The following KDM4C variants were observed in gnomAD, a reference collection of about 807,000 sequenced individuals.
The protein encoded by KDM4C is lysine-specific demethylase 4C.
KDM4C carries 81 observed loss-of-function variants against 129.3 expected under a neutral mutation model. The observed-to-expected ratio is 0.63, with a 90% CI of 0.52 to 0.75. The LOEUF (loss-of-function observed/expected upper bound fraction) is 0.75, where lower values mean the gene tolerates loss of function less well. KDM4C is among the 30% of genes least tolerant of loss of function. The probability of loss-of-function intolerance (pLI) is 0.00; values close to 1 mark genes in which losing one functional copy is unlikely to be tolerated. For missense variants in KDM4C, 1,457 were observed against 1,304.0 expected, an observed-to-expected ratio of 1.12 and a Z score of -1.81; for synonymous variants, 573 against 456.1, an observed-to-expected ratio of 1.26 and a Z score of -3.26.
chr9:7,115,336 A>G (rs1197417088), intron 18 of KDM4C, among the ~76,000 whole-genome samples: 1 of 152,198 alleles, frequency 6.6e-6, no homozygotes, highest in Non-Finnish European at 1.5e-5. Flanking sequence ...TTTTTTAAAA[A>G]AATAATTAAG....
chr9:7,165,947 G>C (rs1003857994), intron 20 of KDM4C, among the ~76,000 whole-genome samples: 3 of 152,186 alleles, frequency 2.0e-5, no homozygotes, highest in Non-Finnish European at 4.4e-5. Flanking sequence ...GTATTAAAGA[G>C]TATATATACA....
At chr9:6,768,124 C>T (rs923200610) in intron 1 of KDM4C, among the ~76,000 whole-genome samples, 4 of 152,106 alleles carry the variant, frequency 2.6e-5, no homozygotes, top group African/African-American at 9.6e-5. Flanking sequence ...CTTTTTCAGT[C>T]GACCGAGAGT....
At chr9:7,125,960 A>G (rs979719660) in intron 18 of KDM4C, among the ~76,000 whole-genome samples, 1 of 152,208 alleles carries the variant, frequency 6.6e-6, no homozygotes, top group African/African-American at 2.4e-5. Context: ...TCTTCCTAGT[A>G]GGTACAGGCT....
At chr9:7,100,542 G>T (rs1348876567) in intron 17 of KDM4C, among the ~76,000 whole-genome samples, 1 of 152,070 alleles carries the variant, frequency 6.6e-6, no homozygotes, top group African/African-American at 2.4e-5. Context: ...GTTTTGCCGT[G>T]TTGGCCAGGC....
chr9:7,159,937 G>A (rs947306526), intron 19 of KDM4C, among the ~76,000 whole-genome samples: 1 of 152,110 alleles, frequency 6.6e-6, no homozygotes, highest in Non-Finnish European at 1.5e-5. Context: ...TTCCAACTTG[G>A]TTCTATTCTC....
chr9:7,037,942 G>A lies in KDM4C; in HGVS notation c.2260-8920G>A, dbSNP rs548179916. 5.5e-3 allele frequency among the ~76,000 whole-genome samples: 830 copies of A among 152,142 alleles called. 13 individuals carry two copies. Among genetic ancestry groups the A allele is most frequent in the African/African-American group, 0.018 (746 of 41,528 alleles). On this transcript the variant is annotated intron_variant, in intron 15 of 21. Transcript: ENST00000381309. ...GCTGGGTGTTATTGTTCCTGGAAAA[G>A]CCATGCTCATTAAACATAAAACAAG...
intron 11 of KDM4C, among the ~76,000 whole-genome samples, chr9:6,988,580 G>T (rs981123257): frequency 2.0e-5 from 3 of 152,046 alleles, no homozygotes; most frequent in East Asian, 1.9e-4. Flanking sequence ...TTAGTATTCA[G>T]TGTAATGCTA....
chr9:7,124,776 T>A (rs550601960), intron 18 of KDM4C, among the ~76,000 whole-genome samples: 1 of 152,298 alleles, frequency 6.6e-6, no homozygotes, highest in South Asian at 2.1e-4. Flanking sequence ...AGCAACCCAG[T>A]AATCACTGGG....
intron 5 of KDM4C, among the ~76,000 whole-genome samples, chr9:6,857,922 G>GTTTTTTTTTT (rs71487861): frequency 9.7e-6 from 1 of 103,098 alleles, no homozygotes. Context: ...ATCTGGCTAA[G>GTTTTTTTTTT]TTTTTTTTTT....
intron 15 of KDM4C, among the ~76,000 whole-genome samples, chr9:7,033,756 G>A (rs888914121): frequency 3.3e-5 from 5 of 152,190 alleles, no homozygotes; most frequent in Admixed American, 3.3e-4. Flanking sequence ...GAGAACAAAT[G>A]CCTCATTAAT....
intron 18 of KDM4C, among the ~76,000 whole-genome samples, chr9:7,122,294 C>G (rs112818672): frequency 1.6e-3 from 230 of 142,284 alleles, no homozygotes; most frequent in African/African-American, 5.8e-3. Flanking sequence ...CTTAAACAGC[C>G]AGATCCTGTG....
chr9:6,742,509 T>C (rs1192015607), intron 1 of KDM4C, among the ~76,000 whole-genome samples: 1 of 152,076 alleles, frequency 6.6e-6, no homozygotes, highest in Admixed American at 6.6e-5. Flanking sequence ...GAGTATCAGT[T>C]ATTGTCTTTT....
At chr9:6,844,234 A>G (rs1170333228) in intron 4 of KDM4C, among the ~76,000 whole-genome samples, 2 of 152,292 alleles carry the variant, frequency 1.3e-5, no homozygotes, top group Middle Eastern at 3.4e-3. Flanking sequence ...CCTTTGGACT[A>G]TCTTCATTTA....
At chr9:7,098,055 T>G (rs1836655944) in intron 17 of KDM4C, among the ~76,000 whole-genome samples, 1 of 152,270 alleles carries the variant, frequency 6.6e-6, no homozygotes, top group African/African-American at 2.4e-5. Flanking sequence ...AAAGTATGAC[T>G]GTGCTGTTGG....
intron 15 of KDM4C, among the ~76,000 whole-genome samples, chr9:7,041,304 G>T (rs1828563543): frequency 6.6e-6 from 1 of 151,900 alleles, no homozygotes; most frequent in Non-Finnish European, 1.5e-5. Context: ...GTATACAGGA[G>T]GATATGCATG....
rs918058277 is a variant in KDM4C, at chr9:7,174,687, T to C, written c.3129T>C (p.Phe1043=). Residue 1043 remains phenylalanine (F), a synonymous_variant, in exon 22 of 22, where the codon TTT becomes TTC. Coordinates refer to ENST00000381309, the MANE Select transcript of KDM4C (RefSeq NM_015061.6). The part of the protein sequence containing the change: ...EYVADPVYRT[F]LKSSFQKKCQ... Reference sequence around the variant, plus strand: ...TGGCCGACCCTGTATACCGCACTTTTTTGAAGAGCTCTTTCCAGAAGAAGT... The same window carrying C: ...TGGCCGACCCTGTATACCGCACTTTCTTGAAGAGCTCTTTCCAGAAGAAGT... 1 of 1,614,020 alleles carries C rather than the reference T, an allele frequency of 6.2e-7. No individual in the cohort carries two copies. Among genetic ancestry groups the C allele is most frequent in the African/African-American group, 1.3e-5 (1 of 74,930 alleles).
chr9:6,834,556 C>T (rs1286882547), intron 4 of KDM4C: 5 of 701,040 alleles, frequency 7.1e-6, no homozygotes, highest in South Asian at 3.0e-5. Context: ...TCCCCTTCAT[C>T]GTGTGGCACC....
At chr9:6,926,341 T>TAAAAAAAAAAAAAA (rs33974740) in intron 8 of KDM4C, among the ~76,000 whole-genome samples, 1,902 of 106,752 alleles carry the variant, frequency 0.018, 36 homozygotes, top group South Asian at 0.04. Context: ...AGATAATTTG[T>TAAAAAAAAAAAAAA]AAAAAAAAAA....
intron 4 of KDM4C, among the ~76,000 whole-genome samples, chr9:6,847,861 A>T (rs902077751): frequency 1.3e-5 from 2 of 152,174 alleles, no homozygotes; most frequent in African/African-American, 4.8e-5. Flanking sequence ...CTTCATCAAT[A>T]GTTTTTTAAC....
Sources: allele counts gnomAD v4.1 joint callset (sites outside exome capture counted in the v4.1 genomes callset), GRCh38; gene constraint gnomAD v4.1.1; transcripts MANE v1.5; gene names NCBI Gene and HGNC (gene_info 2026-07-23, HGNC 2026-07-21).